DDR2: variants seen among roughly 807,000 people sequenced by gnomAD.
The protein encoded by DDR2 is discoidin domain receptor tyrosine kinase 2.
DDR2 carries 27 observed loss-of-function variants against 94.9 expected under a neutral mutation model. The observed-to-expected ratio is 0.28, with a 90% confidence interval of 0.21 to 0.39. The LOEUF is 0.39. Among genes scored for constraint, DDR2 ranks in the 10% least tolerant of loss-of-function variants. The pLI, the probability that DDR2 is intolerant of heterozygous loss-of-function variation, is 1.00. For missense variants in DDR2, 783 were observed against 1,076.0 expected (o/e 0.73, Z 3.81); for synonymous variants, 382 against 377.2 (o/e 1.01, Z -0.15).
At chr1:162,694,415 G>A (rs1298033806) in intron 2 of DDR2, among the ~76,000 whole-genome samples, 6 of 152,074 alleles carry the variant, frequency 3.9e-5, no homozygotes, top group Non-Finnish European at 8.8e-5. Flanking sequence ...CTTTATGAGG[G>A]TGCATCTACC....
chr1:162,646,937 C>G (rs1437282853), intron 1 of DDR2, among the ~76,000 whole-genome samples: 1 of 152,202 alleles, frequency 6.6e-6, no homozygotes, highest in African/African-American at 2.4e-5. Flanking sequence ...AGAACCATGA[C>G]TTTTGAAAAA....
chr1:162,779,738 A>G (rs1408369149), intron 17 of DDR2, among the ~76,000 whole-genome samples: 1 of 152,144 alleles, frequency 6.6e-6, no homozygotes, highest in Non-Finnish European at 1.5e-5. Context: ...CCAAAGAAAA[A>G]TGTTGTTTTC....
chr1:162,663,134 C>T (rs1212276631), intron 2 of DDR2, among the ~76,000 whole-genome samples: 1 of 152,150 alleles, frequency 6.6e-6, no homozygotes, highest in Non-Finnish European at 1.5e-5. Context: ...CCCCAAATCT[C>T]CCAGTATCCC....
At chr1:162,648,276 T>C (rs540100313) in intron 1 of DDR2, among the ~76,000 whole-genome samples, 1 of 152,142 alleles carries the variant, frequency 6.6e-6, no homozygotes, top group East Asian at 1.9e-4. Context: ...TGAATAAGAA[T>C]TGGAATAAAT....
At chr1:162,711,820 T>A (rs111510962) in intron 2 of DDR2, among the ~76,000 whole-genome samples, 1,634 of 152,192 alleles carry the variant, frequency 0.011, 30 homozygotes, top group East Asian at 0.035. Context: ...GCACATATGT[T>A]TATACACACA....
intron 3 of DDR2, among the ~76,000 whole-genome samples, chr1:162,735,305 A>C (rs1230386375): frequency 6.6e-6 from 1 of 152,188 alleles, no homozygotes; most frequent in Non-Finnish European, 1.5e-5. Context: ...GAGTCGAGGA[A>C]GAGGGGAGCG....
Position 162,656,886 on chromosome 1 carries a change from G to C in DDR2, c.-28+1512G>C, listed in dbSNP as rs987927727. On this transcript the variant is annotated intron_variant, in intron 2 of 17. Transcript: ENST00000367921. ...TAACAGGGTTTTGCTCTGTCACCCAGGCTGGAGAGTAGCAGTGTAATCTTG... is the reference window on the plus strand; with the variant it reads ...TAACAGGGTTTTGCTCTGTCACCCACGCTGGAGAGTAGCAGTGTAATCTTG... Among the ~76,000 whole-genome samples the C allele has an allele frequency of 5.3e-5, 6 of 112,474 alleles. No individual in the cohort carries two copies. The Admixed American group carries it at 7.9e-4, about 15-fold the overall frequency. The allele number at this position is 112,474 out of a possible 152,430, so 73.8% of individuals were successfully genotyped here.
chr1:162,668,940 G>A (rs950263667), intron 2 of DDR2, among the ~76,000 whole-genome samples: 1 of 152,172 alleles, frequency 6.6e-6, no homozygotes, highest in African/African-American at 2.4e-5. Context: ...TGACTTAGGC[G>A]CAGCAGAAAC....
intron 3 of DDR2, among the ~76,000 whole-genome samples, chr1:162,719,648 G>A (rs1661330550): frequency 6.6e-6 from 1 of 152,162 alleles, no homozygotes; most frequent in Non-Finnish European, 1.5e-5. Flanking sequence ...AGAATCTTTT[G>A]AGCCCAAATT....
chr1:162,683,975 C>A (rs1162950354), intron 2 of DDR2, among the ~76,000 whole-genome samples: 1 of 152,082 alleles, frequency 6.6e-6, no homozygotes, highest in Non-Finnish European at 1.5e-5. Flanking sequence ...TCAGTCTACC[C>A]TATTTGAAGA....
At chr1:162,633,424 A>C (rs984287732) in intron 1 of DDR2, among the ~76,000 whole-genome samples, 2 of 152,142 alleles carry the variant, frequency 1.3e-5, no homozygotes, top group Non-Finnish European at 2.9e-5. Flanking sequence ...GTTCAGCACC[A>C]TTTTGCCGAT....
intron 2 of DDR2, among the ~76,000 whole-genome samples, chr1:162,684,843 A>ACACACT (rs1486464517): frequency 6.6e-6 from 1 of 151,594 alleles, no homozygotes; most frequent in African/African-American, 2.4e-5. Flanking sequence ...ACACACACAC[A>ACACACT]CACACACACA....
intron 2 of DDR2, among the ~76,000 whole-genome samples, chr1:162,681,887 G>C (rs10799864): frequency 0.68 from 103,713 of 151,784 alleles, 36,850 homozygotes; most frequent in Middle Eastern, 0.82. Flanking sequence ...ACAGCAGAAG[G>C]GAGCCATTAA....
At chr1:162,702,461 C>T (rs1413169367) in intron 2 of DDR2, among the ~76,000 whole-genome samples, 1 of 152,166 alleles carries the variant, frequency 6.6e-6, no homozygotes, top group Non-Finnish European at 1.5e-5. Context: ...TAGATATTCC[C>T]TACCCAACTA....
chr1:162,732,407 A>G lies in DDR2; in HGVS notation c.82+13262A>G, dbSNP rs1662098390. On this transcript the variant is annotated intron_variant, in intron 3 of 17. Transcript: ENST00000367921. ...CCTTGTCCTTTCAGAAACTGGAAGAACTAGACCATGGTAGCCTAGGGTTGG... is the reference window on the plus strand; with the variant it reads ...CCTTGTCCTTTCAGAAACTGGAAGAGCTAGACCATGGTAGCCTAGGGTTGG... Among the ~76,000 whole-genome samples the G allele has an allele frequency of 2.0e-5, 3 of 152,206 alleles. No individual in the cohort carries two copies. The South Asian group carries it at 6.2e-4, about 32-fold the overall frequency.
chr1:162,729,300 A>ATATATATATATATATATATTTT (rs1416872679), intron 3 of DDR2, among the ~76,000 whole-genome samples: 1 of 94,016 alleles, frequency 1.1e-5, no homozygotes, highest in African/African-American at 5.3e-5. Context: ...ATATATATAT[A>ATATATATATATATATATATTTT]TTTTTTTTTT....
chr1:162,746,169 GC>G (rs1662852344), intron 3 of DDR2, among the ~76,000 whole-genome samples: 1 of 152,202 alleles, frequency 6.6e-6, no homozygotes, highest in Non-Finnish European at 1.5e-5. Context: ...GCAGGGTGGG[GC>G]ATCGCCTCAC....
At chr1:162,695,771 A>G (rs545894175) in intron 2 of DDR2, among the ~76,000 whole-genome samples, 2 of 152,366 alleles carry the variant, frequency 1.3e-5, no homozygotes, top group South Asian at 2.1e-4. Context: ...AGTACTTGCT[A>G]TATGCCAGGC....
chr1:162,755,700 A>C lies in DDR2; in HGVS notation c.602A>C (p.Gln201Pro). 1 of 1,614,202 alleles carries C rather than the reference A, an allele frequency of 6.2e-7. No homozygotes were observed. The change falls in exon 7 of 18, where the codon CAG becomes CCG. Residue 201 changes from glutamine to proline, a missense_variant. Around this residue, in one of 2 missense-constraint regions of DDR2, gnomAD observed 519 missense variants for 647.9 expected, o/e 0.80. Transcript: ENST00000367921. Reference protein sequence around the residue: ...LVSYNAPAGQQFVLPGGSIIY... With the variant: ...LVSYNAPAGQPFVLPGGSIIY... ...TCTTACAATGCTCCAGCTGGGCAGCAGTTTGTACTCCCTGGAGGTTCCATC... is the reference window on the plus strand; with the variant it reads ...TCTTACAATGCTCCAGCTGGGCAGCCGTTTGTACTCCCTGGAGGTTCCATC...
Sources: gnomAD v4.1 joint callset for allele counts (sites outside exome capture counted in the v4.1 genomes callset) on GRCh38, gnomAD v4.1.1 for gene constraint, gnomAD v4.1.1 regional missense constraint, MANE v1.5 for transcripts, NCBI Gene and HGNC (gene_info 2026-07-23, HGNC 2026-07-21) for gene names.